NBPF15: variants seen among roughly 807,000 people sequenced by gnomAD.
NBPF15 encodes the protein NBPF family member NBPF15.
NBPF15 carries 74 observed loss-of-function variants against 62.2 expected under a neutral mutation model. The observed-to-expected ratio is 1.19, with a 90% CI of 0.99 to 1.44. The LOEUF is 1.44. Among genes scored for constraint, NBPF15 ranks in the 40% most tolerant of loss-of-function variants. The pLI, the probability that NBPF15 is intolerant of heterozygous loss-of-function variation, is 0.00. For synonymous variants in NBPF15, 244 were observed against 209.7 expected (o/e 1.16, Z -1.41); for missense variants, 790 against 550.0 (o/e 1.44, Z -4.36).
At chr1:144,448,278 C>T (rs1233620982) in intron 6 of NBPF15, among the ~76,000 whole-genome samples, 20 of 152,022 alleles carry the variant, frequency 1.3e-4, no homozygotes, top group African/African-American at 4.1e-4. Flanking sequence ...TTCTTTTTGG[C>T]TACTTTGTTT....
chr1:144,455,620 C>A (rs1434398490), intron 4 of NBPF15, among the ~76,000 whole-genome samples: 1 of 152,034 alleles, frequency 6.6e-6, no homozygotes, highest in Non-Finnish European at 1.5e-5. Flanking sequence ...AGCTTCCCAG[C>A]TGCAGGTGGG....
Position 144,440,145 on chromosome 1 carries a change from G to T in NBPF15, c.-40C>A. Reference sequence around the variant, plus strand: ...TAACTGAAATTCTTAACTTACTGTTGTCAAAAATGTGATCACTCCCCACAG... The same window carrying T: ...TAACTGAAATTCTTAACTTACTGTTTTCAAAAATGTGATCACTCCCCACAG... On this transcript the variant is annotated 5_prime_UTR_variant, in exon 7 of 22. Transcript: ENST00000581897. 1.3e-6 allele frequency: 2 copies of T among 1,583,676 alleles called. No homozygotes were observed. The highest frequency in any genetic ancestry group is 1.7e-5 in the Admixed American group (1 of 59,160).
chr1:144,440,766 C>G (rs1172106936), intron 6 of NBPF15, among the ~76,000 whole-genome samples: 1 of 150,266 alleles, frequency 6.7e-6, no homozygotes, highest in Admixed American at 6.6e-5. Context: ...TATTCTCCTG[C>G]CTCAGACTCC....
chr1:144,431,380 C>A (rs1571119240), intron 13 of NBPF15, among the ~76,000 whole-genome samples: 1 of 150,136 alleles, frequency 6.7e-6, no homozygotes, highest in Admixed American at 6.6e-5. Context: ...GATCTCTTGG[C>A]ACAAACCCTA....
chr1:144,447,418 C>T (rs1198652385), intron 6 of NBPF15, among the ~76,000 whole-genome samples: 1 of 151,644 alleles, frequency 6.6e-6, no homozygotes, highest in Non-Finnish European at 1.5e-5. Context: ...ATACTCAGTG[C>T]CAGAGCAGGG....
chr1:144,443,127 C>T (rs1684795100), intron 6 of NBPF15: 1 of 154,320 alleles, frequency 6.5e-6, no homozygotes, highest in Non-Finnish European at 1.5e-5. Flanking sequence ...GCCAAAACCA[C>T]ATGGGCTGGG....
rs1301142920 is a variant in NBPF15, at chr1:144,439,692, T to A, written c.175+137A>T. 5.6e-4 allele frequency: 333 copies of A among 599,874 alleles called. 5 individuals are homozygous for A. Among genetic ancestry groups the A allele is most frequent in the South Asian group, 4.6e-3 (247 of 53,774 alleles). 37.2% of individuals were successfully genotyped at this position (599,874 alleles called of 1,614,324 possible). A position where few individuals can be genotyped will look rare whatever the true frequency, so the allele number is the denominator to read the frequency against. On this transcript the variant is annotated intron_variant, in intron 8 of 21. Transcript: ENST00000581897. ...CCTCTGTCTTCCAACTTTAACAAAA[T>A]GTTAAAATACCCATTTCTGTTTTCC...
Position 144,436,932 on chromosome 1 carries a change from A to G in NBPF15, c.456T>C (p.Cys152=), listed in dbSNP as rs2102072243. 2 of 1,612,056 alleles carry G rather than the reference A, an allele frequency of 1.2e-6. No homozygotes were observed. The highest frequency in any genetic ancestry group is 1.7e-5 in the Admixed American group (1 of 59,968). ...TTTGGACAAGGTGCTGTGTCAGTCT[A>G]CACCCCTCAGCCAGCTGTTCTTGGA... ...QDLQEQLAEG[C]RLTQHLVQKL... is the part of the protein sequence containing the mutation. The change falls in exon 10 of 22, where the codon TGT becomes TGC. Residue 152 remains cysteine (C), a synonymous_variant. Coordinates refer to ENST00000581897, the MANE Select transcript of NBPF15 (RefSeq NM_001385408.1).
Position 144,426,316 on chromosome 1 carries a change from A to G in NBPF15, c.1400T>C (p.Leu467Ser), listed in dbSNP as rs1179924018. 1.3e-6 allele frequency: 1 copy of G among 746,866 alleles called. No homozygotes were observed. 46.3% of individuals were successfully genotyped at this position (746,866 alleles called of 1,614,324 possible). Residue 467 changes from leucine (L) to serine (S), a missense_variant, in exon 18 of 22, where the codon TTG becomes TCG. Physicochemically the swap from Leu to Ser is moderately radical, Grantham distance 145. Coordinates refer to ENST00000581897, the MANE Select transcript of NBPF15 (RefSeq NM_001385408.1). ...AGCCAAGCCAAGGTACTGTTCCTCCAATGAGTAAACAGCACTGCTGTAGGG... is the reference window on the plus strand; with the variant it reads ...AGCCAAGCCAAGGTACTGTTCCTCCGATGAGTAAACAGCACTGCTGTAGGG... Reference protein sequence around the residue: ...GQPYSSAVYSLEEQYLGLALD... With the variant: ...GQPYSSAVYSSEEQYLGLALD...
At chr1:144,428,178 GACACACACACACAC>G (rs782021320) in intron 15 of NBPF15, among the ~76,000 whole-genome samples, 188 bp from the exon 16 acceptor site, 2 of 132,542 alleles carry the variant, frequency 1.5e-5, no homozygotes, top group Non-Finnish European at 3.3e-5. Context: ...GAAAGAGAAA[GACACACACACACAC>G]ACACACACAC....
intron 17 of NBPF15, 130 bp from the exon 18 acceptor site, chr1:144,426,580 A>C: frequency 2.8e-6 from 2 of 712,972 alleles, no homozygotes; most frequent in South Asian, 1.5e-5. Context: ...TGAGGTAATG[A>C]ATTATTGCCT....
intron 14 of NBPF15, among the ~76,000 whole-genome samples, chr1:144,429,212 A>C (rs1207024970): frequency 6.6e-6 from 1 of 150,500 alleles, no homozygotes; most frequent in East Asian, 1.9e-4. Flanking sequence ...CACTTAGAAG[A>C]CACAGAAAAT....
intron 16 of NBPF15, among the ~76,000 whole-genome samples, chr1:144,427,412 A>G (rs1197792572): frequency 6.9e-6 from 1 of 145,476 alleles, no homozygotes; most frequent in African/African-American, 2.6e-5. Context: ...TTGCTAGGAG[A>G]AAAACTGCAC....
chr1:144,437,443 T>C (rs1679337913), intron 9 of NBPF15, among the ~76,000 whole-genome samples: 1 of 145,020 alleles, frequency 6.9e-6, no homozygotes, highest in Non-Finnish European at 1.5e-5. Flanking sequence ...AAAATACACA[T>C]AGTGCATCTT....
At chr1:144,444,577 G>A (rs1181318491) in intron 6 of NBPF15, among the ~76,000 whole-genome samples, 9 of 151,754 alleles carry the variant, frequency 5.9e-5, no homozygotes, top group African/African-American at 1.9e-4. Flanking sequence ...AGGTTCCAGA[G>A]GAAGGTCTTC....
chr1:144,455,617 C>G (rs1693978223), intron 4 of NBPF15, among the ~76,000 whole-genome samples: 1 of 152,022 alleles, frequency 6.6e-6, no homozygotes, highest in African/African-American at 2.4e-5. Flanking sequence ...AGAAGCTTCC[C>G]AGCTGCAGGT....
At chr1:144,446,006 C>A (rs1319047010) in intron 6 of NBPF15, among the ~76,000 whole-genome samples, 3 of 147,258 alleles carry the variant, frequency 2.0e-5, no homozygotes, top group Non-Finnish European at 4.5e-5. Flanking sequence ...CAGGCACATG[C>A]CACCATGCCT....
intron 6 of NBPF15, among the ~76,000 whole-genome samples, chr1:144,444,204 A>C (rs1685573356): frequency 1.3e-5 from 2 of 150,518 alleles, no homozygotes; most frequent in African/African-American, 2.5e-5. Context: ...GCCAGGTCTC[A>C]CTAACACAGG....
At position 144,427,799 on chromosome 1, in the gene NBPF15, T is replaced by G; in HGVS notation, c.1213+19A>C. The G allele has an allele frequency of 1.5e-6, 1 of 676,944 alleles. No homozygotes were observed. The highest frequency in any genetic ancestry group is 2.7e-6 in the Non-Finnish European group (1 of 372,220). The allele number at this position is 676,944 out of a possible 1,614,324, so 41.9% of individuals were successfully genotyped here. A position where few individuals can be genotyped will look rare whatever the true frequency, so the allele number is the denominator to read the frequency against. ...GAAGACTCAGTGGATCCTTATCACC[T>G]TCATAGAAAGGTACTCACCATCCAT... On this transcript the variant is annotated intron_variant, in intron 16 of 21. Transcript: ENST00000581897.
Sources: gnomAD v4.1 joint callset for allele counts (sites outside exome capture counted in the v4.1 genomes callset) on GRCh38, gnomAD v4.1.1 for gene constraint, MANE v1.5 for transcripts, NCBI Gene and HGNC (gene_info 2026-07-23, HGNC 2026-07-21) for gene names.